Variants in ITGA8 observed in about 807,000 individuals in gnomAD.
ITGA8 encodes the protein integrin subunit alpha 8, also known as integrin alpha-8.
ITGA8 carries 91 observed loss-of-function variants against 142.3 expected under a neutral mutation model. The ratio of observed to expected loss-of-function variants is 0.64; its 90% CI spans 0.54 to 0.76. The LOEUF (loss-of-function observed/expected upper bound fraction) is 0.76. Ranked by LOEUF, ITGA8 falls within the 30% of genes least tolerant of loss-of-function variation. The probability of loss-of-function intolerance (pLI) is 0.00; values close to 1 mark genes in which losing one functional copy is unlikely to be tolerated. For missense variants in ITGA8, 1,406 were observed against 1,327.7 expected (o/e 1.06, Z -0.92); for synonymous variants, 505 against 485.2 (o/e 1.04, Z -0.54).
chr10:15,531,022 G>T, intron 28 of ITGA8, 28 bp downstream of exon 28: 3 of 1,064,718 alleles, frequency 2.8e-6, no homozygotes, highest in East Asian at 5.0e-5. Flanking sequence ...TAAATTATTT[G>T]TGCCTATATA....
chr10:15,646,917 C>G lies in ITGA8; in HGVS notation c.1136G>C (p.Gly379Ala). The change falls in exon 12 of 30, where the codon GGC becomes GCC. Residue 379 changes from glycine (G) to alanine (A), a missense_variant. Coordinates refer to ENST00000378076, the MANE Select transcript of ITGA8 (RefSeq NM_003638.3). ...LLFRDPQILT[G>A]TETFGRFGSA... ...ACCGAATCTCCCAAACGTCTCGGTG[C>G]CAGTGAGGATCTGGGGGTCTCTGAA... is the stretch of plus-strand genomic sequence containing the variant. The G allele has an allele frequency of 6.2e-7, 1 of 1,613,996 alleles. No individual in the cohort carries two copies. The highest frequency in any genetic ancestry group is 1.1e-5 in the South Asian group (1 of 91,040).
chr10:15,704,561 T>C (rs964781214), intron 2 of ITGA8, among the ~76,000 whole-genome samples: 1 of 152,200 alleles, frequency 6.6e-6, no homozygotes, highest in Non-Finnish European at 1.5e-5. Context: ...ACCTCTAGAT[T>C]TTTTTCACAC....
intron 2 of ITGA8, among the ~76,000 whole-genome samples, chr10:15,690,282 C>T (rs185222185): frequency 1.2e-4 from 18 of 152,276 alleles, no homozygotes; most frequent in African/African-American, 3.8e-4. Flanking sequence ...TATTTTTTCT[C>T]ATATGCCCTG....
Position 15,658,276 on chromosome 10 carries a change from C to G in ITGA8, c.948+723G>C, listed in dbSNP as rs558159821. Among the ~76,000 whole-genome samples, 53 of 152,320 alleles carry G rather than the reference C, an allele frequency of 3.5e-4. No individual in the cohort carries two copies. In the South Asian group the frequency reaches 0.011, roughly 31 times the overall value. ...GTCTAATCTGTCAGCTGCAGAAGTCCAGGCCCTTTTTACAGTGACCTTCTT... is the reference window on the plus strand; with the variant it reads ...GTCTAATCTGTCAGCTGCAGAAGTCGAGGCCCTTTTTACAGTGACCTTCTT... On this transcript the variant is annotated intron_variant, in intron 10 of 29. Coordinates refer to ENST00000378076, the MANE Select transcript of ITGA8 (RefSeq NM_003638.3).
At chr10:15,657,405 G>A (rs1045372505) in intron 10 of ITGA8, among the ~76,000 whole-genome samples, 3 of 151,760 alleles carry the variant, frequency 2.0e-5, no homozygotes, top group Non-Finnish European at 2.9e-5. Context: ...AAAATGCTTC[G>A]CTGAAAATTT....
intron 19 of ITGA8, among the ~76,000 whole-genome samples, chr10:15,605,357 GAA>G (rs1219519209): frequency 1.3e-5 from 2 of 152,112 alleles, no homozygotes; most frequent in Admixed American, 6.5e-5. Flanking sequence ...ATGGGGTGCT[GAA>G]AAAAAGTTTG....
intron 28 of ITGA8, 80 bp from the exon 29 acceptor site, chr10:15,519,492 C>T (rs534476369): frequency 1.9e-5 from 28 of 1,461,896 alleles, no homozygotes; most frequent in South Asian, 7.0e-5. Context: ...AGTACAACAT[C>T]GGAAGTTGAT....
At chr10:15,591,564 C>T (rs1004755717) in intron 22 of ITGA8, among the ~76,000 whole-genome samples, 6 of 152,084 alleles carry the variant, frequency 3.9e-5, no homozygotes, top group South Asian at 4.1e-4. Flanking sequence ...AAATGCCACA[C>T]TACTACTTTC....
At chr10:15,630,176 A>G (rs1246843366) in intron 13 of ITGA8, among the ~76,000 whole-genome samples, 1 of 152,056 alleles carries the variant, frequency 6.6e-6, no homozygotes, top group Non-Finnish European at 1.5e-5. Flanking sequence ...CATCATCATC[A>G]TCTCTACTTA....
intron 28 of ITGA8, among the ~76,000 whole-genome samples, chr10:15,523,655 A>G (rs1564334822): frequency 1.3e-5 from 2 of 151,880 alleles, no homozygotes; most frequent in African/African-American, 4.8e-5. Flanking sequence ...TACGCCTGTA[A>G]TCCCAGCACT....
At chr10:15,605,087 T>C (rs530302066) in intron 19 of ITGA8, among the ~76,000 whole-genome samples, 30 of 152,214 alleles carry the variant, frequency 2.0e-4, no homozygotes, top group Admixed American at 3.3e-4. Context: ...AGTGAGATAG[T>C]TCCTGGGAGG....
At chr10:15,519,972 G>A (rs571151748) in intron 28 of ITGA8, among the ~76,000 whole-genome samples, 152 of 152,240 alleles carry the variant, frequency 1.0e-3, no homozygotes, top group African/African-American at 3.3e-3. Flanking sequence ...TCAATACTAG[G>A]TCTCTTTATC....
At chr10:15,539,699 A>G (rs1833529754) in intron 27 of ITGA8, among the ~76,000 whole-genome samples, 1 of 152,134 alleles carries the variant, frequency 6.6e-6, no homozygotes, top group African/African-American at 2.4e-5. Flanking sequence ...TTGGAGGTAC[A>G]TGTGATATTT....
At position 15,572,372 on chromosome 10, in the gene ITGA8, G is replaced by C; in HGVS notation, c.2479-3C>G. 1 of 1,613,448 alleles carries C rather than the reference G, an allele frequency of 6.2e-7. No individual in the cohort carries two copies. The highest frequency in any genetic ancestry group is 1.1e-5 in the South Asian group (1 of 90,948). On this transcript the variant is annotated splice_polypyrimidine_tract_variant and splice_region_variant and intron_variant, in intron 24 of 29. Transcript: ENST00000378076. ...GTACTTGGTCCAATATTGTGCAGCT[G>C]TAAACAAGTGACATGTTATCTAATG...
chr10:15,649,018 C>T (rs765902586), intron 11 of ITGA8, among the ~76,000 whole-genome samples: 26 of 152,194 alleles, frequency 1.7e-4, no homozygotes, highest in Admixed American at 7.2e-4. Context: ...TTGGAGGGAA[C>T]TAAGGAAGGT....
chr10:15,522,452 G>A (rs1833089371), intron 28 of ITGA8, among the ~76,000 whole-genome samples: 1 of 152,142 alleles, frequency 6.6e-6, no homozygotes, highest in African/African-American at 2.4e-5. Flanking sequence ...TTTTGATAAT[G>A]AGAATTTCAG....
rs996888436 is a variant in ITGA8, at chr10:15,641,063, C to CT, written c.1399+2966dup. 5.7e-4 allele frequency among the ~76,000 whole-genome samples: 86 copies of CT among 152,164 alleles called. 1 individual carries two copies. Among genetic ancestry groups the CT allele is most frequent in the Non-Finnish European group, 1.2e-3 (84 of 68,002 alleles). ...GCTACACAGGGTGGAGAAAAAGAGT[C>CT]TTTTTTCTGAGATGGAGTCTCGCCC... On this transcript the variant is annotated intron_variant, in intron 13 of 29. Transcript: ENST00000378076.
chr10:15,523,536 C>T (rs1247706190), intron 28 of ITGA8, among the ~76,000 whole-genome samples: 1 of 152,118 alleles, frequency 6.6e-6, no homozygotes, highest in Non-Finnish European at 1.5e-5. Flanking sequence ...CGGAAAGTCC[C>T]TTTCAGTTCC....
chr10:15,618,678 A>G (rs966339170), intron 13 of ITGA8, among the ~76,000 whole-genome samples: 1 of 152,148 alleles, frequency 6.6e-6, no homozygotes, highest in Non-Finnish European at 1.5e-5. Flanking sequence ...AGGAACGACA[A>G]AAGACTAGAT....
Sources: allele counts gnomAD v4.1 joint callset (sites outside exome capture counted in the v4.1 genomes callset), GRCh38; gene constraint gnomAD v4.1.1; transcripts MANE v1.5; gene names NCBI Gene and HGNC (gene_info 2026-07-23, HGNC 2026-07-21).